Variants in WARS2 observed in about 807,000 individuals in gnomAD.
The protein encoded by WARS2 is tryptophanyl tRNA synthetase 2, mitochondrial, also known as tryptophan--tRNA ligase, mitochondrial.
WARS2 carries 28 observed loss-of-function variants against 36.5 expected under a neutral mutation model. That is an observed-to-expected ratio of 0.77 (90% confidence interval 0.57 to 1.05). WARS2 has a LOEUF of 1.05. Ranked by LOEUF, WARS2 falls within the 50% of genes least tolerant of loss-of-function variation. The probability of loss-of-function intolerance (pLI) is 0.00; values close to 1 mark genes in which losing one functional copy is unlikely to be tolerated. For missense variants in WARS2, 435 were observed against 456.8 expected (o/e 0.95, Z 0.44); for synonymous variants, 174 against 178.4 (o/e 0.98, Z 0.20).
chr1:119,053,399 A>G (rs1279501878), intron 2 of WARS2, among the ~76,000 whole-genome samples: 1 of 152,218 alleles, frequency 6.6e-6, no homozygotes, highest in Admixed American at 6.5e-5. Context: ...CTTACAATAA[A>G]TAAAAATGAA....
At chr1:119,099,443 A>C (rs936495970) in intron 1 of WARS2, among the ~76,000 whole-genome samples, 4 of 152,236 alleles carry the variant, frequency 2.6e-5, no homozygotes, top group Non-Finnish European at 4.4e-5. Flanking sequence ...AATATTTTGA[A>C]ATCTAGTTCC....
intron 1 of WARS2, among the ~76,000 whole-genome samples, chr1:119,114,519 A>C (rs1013704858): frequency 3.3e-5 from 5 of 152,184 alleles, no homozygotes; most frequent in African/African-American, 1.2e-4. Flanking sequence ...AGAATATAAT[A>C]ACTTTGGACC....
intron 2 of WARS2, among the ~76,000 whole-genome samples, chr1:119,068,544 A>G (rs1651050736): frequency 1.3e-5 from 2 of 152,058 alleles, no homozygotes; most frequent in Non-Finnish European, 2.9e-5. Context: ...GACCCTCGTA[A>G]CACAATATCT....
At chr1:119,118,029 C>T (rs1405556813) in intron 1 of WARS2, among the ~76,000 whole-genome samples, 1 of 152,124 alleles carries the variant, frequency 6.6e-6, no homozygotes, top group Non-Finnish European at 1.5e-5. Flanking sequence ...GGTTCTATAA[C>T]ACCCACAAAA....
At chr1:119,093,957 G>A (rs1033225755) in intron 1 of WARS2, among the ~76,000 whole-genome samples, 1 of 152,174 alleles carries the variant, frequency 6.6e-6, no homozygotes, top group African/African-American at 2.4e-5. Context: ...TATTCTGCAC[G>A]GGTTGTGGTG....
At chr1:119,077,068 G>A (rs1218000490) in intron 1 of WARS2, among the ~76,000 whole-genome samples, 1 of 144,618 alleles carries the variant, frequency 6.9e-6, no homozygotes, top group African/African-American at 2.6e-5. Context: ...AACCTGGGAG[G>A]TGGAGGCTGC....
intron 1 of WARS2, among the ~76,000 whole-genome samples, chr1:119,080,586 C>A (rs138475130): frequency 1.2e-4 from 18 of 152,258 alleles, no homozygotes; most frequent in African/African-American, 4.1e-4. Flanking sequence ...TAAATGGGAA[C>A]TGGATACCTG....
chr1:119,046,613 C>A (rs1050967059), intron 2 of WARS2, among the ~76,000 whole-genome samples: 1 of 151,794 alleles, frequency 6.6e-6, no homozygotes, highest in Non-Finnish European at 1.5e-5. Context: ...ACCCCAGCGT[C>A]CCAAAGTGCT....
At chr1:119,129,712 C>T (rs1655951395) in intron 1 of WARS2, among the ~76,000 whole-genome samples, 1 of 139,936 alleles carries the variant, frequency 7.1e-6, no homozygotes, top group Non-Finnish European at 1.5e-5. Context: ...GATACTCTAT[C>T]TCAAAAAATA....
At position 119,048,516 on chromosome 1, in the gene WARS2, T is replaced by C. The variant is rs1040997643; in HGVS notation, c.349-2854A>G. 3.3e-5 allele frequency among the ~76,000 whole-genome samples: 5 copies of C among 152,194 alleles called. No individual in the cohort carries two copies. The East Asian group carries it at 9.6e-4, about 29-fold the overall frequency. On this transcript the variant is annotated intron_variant, in intron 2 of 5. Transcript: ENST00000235521. ...AATACAGAGTGATCCCGTACGCCCT[T>C]AACCCAGTTTCCCTCAATGGCAACA...
At chr1:119,126,607 C>T (rs924402502) in intron 1 of WARS2, 2 of 681,064 alleles carry the variant, frequency 2.9e-6, no homozygotes, top group Admixed American at 1.8e-5. Context: ...GTCTTGTCCC[C>T]AGTGGCTTTT....
At chr1:119,127,258 CT>C in intron 1 of WARS2, 2 of 757,486 alleles carry the variant, frequency 2.6e-6, no homozygotes, top group Non-Finnish European at 4.6e-6. Context: ...TTTTTGCCGC[CT>C]TTCATAAGGC....
chr1:119,138,071 GGTT>G (rs1656638485), intron 1 of WARS2, among the ~76,000 whole-genome samples: 1 of 151,970 alleles, frequency 6.6e-6, no homozygotes, highest in Non-Finnish European at 1.5e-5. Flanking sequence ...GCTATTTCTT[GGTT>G]TTTGATGGAA....
At chr1:119,105,632 C>T (rs1228203132) in intron 1 of WARS2, among the ~76,000 whole-genome samples, 2 of 152,132 alleles carry the variant, frequency 1.3e-5, no homozygotes, top group African/African-American at 4.8e-5. Flanking sequence ...GGCATTAGGC[C>T]GGGCATAATT....
In WARS2 at chr1:119,133,665, C is replaced by G. The variant is rs587645972; in HGVS notation, c.90+6890G>C. ...AATGAATGTTTGCTATTATCACCAC[C>G]ACCTCCATTATCATCATGTTTAGTA... On this transcript the variant is annotated intron_variant, in intron 1 of 5. Coordinates refer to ENST00000235521, the MANE Select transcript of WARS2 (RefSeq NM_015836.4). Among the ~76,000 whole-genome samples, 3 of 152,262 alleles carry G rather than the reference C, an allele frequency of 2.0e-5. No homozygotes were observed. In the East Asian group the frequency reaches 5.8e-4, roughly 29 times the overall value.
rs749876118 is a variant in WARS2, at chr1:119,055,694, AAAAG to A, written c.349-10036_349-10033del. On this transcript the variant is annotated intron_variant, in intron 2 of 5. Coordinates refer to ENST00000235521, the MANE Select transcript of WARS2 (RefSeq NM_015836.4). ...CAGAGAAGAAAGGCAAGAAAGAAAG[AAAAG>A]AAAGAAAGAAGAGAGAGAGAAGGAG... Among the ~76,000 whole-genome samples the A allele has an allele frequency of 1.4e-4, 21 of 149,330 alleles. No homozygotes were observed. In the South Asian group the frequency reaches 3.1e-3, roughly 22 times the overall value.
chr1:119,047,107 C>T (rs1648919828), intron 2 of WARS2, among the ~76,000 whole-genome samples: 1 of 152,222 alleles, frequency 6.6e-6, no homozygotes, highest in African/African-American at 2.4e-5. Context: ...CATTGACACA[C>T]TGTCCATGCA....
Position 119,062,829 on chromosome 1 carries a change from C to T in WARS2, c.348+13521G>A, listed in dbSNP as rs965456191. 4.4e-5 allele frequency: 7 copies of T among 157,552 alleles called. No individual in the cohort carries two copies. The East Asian group carries it at 5.5e-4, about 12-fold the overall frequency. 9.8% of individuals were successfully genotyped at this position (157,552 alleles called of 1,614,324 possible). ...TCCCCAGCCATGCGGAACTGTAAGT[C>T]CAATTAAACCTCTTTTCTTCCCAGT... is the stretch of plus-strand genomic sequence containing the variant. On this transcript the variant is annotated intron_variant, in intron 2 of 5. Transcript: ENST00000235521.
At chr1:119,134,330 A>AAC (rs1553183032) in intron 1 of WARS2, among the ~76,000 whole-genome samples, 3 of 150,978 alleles carry the variant, frequency 2.0e-5, no homozygotes, top group Admixed American at 6.6e-5. Flanking sequence ...AAAAAAAAAA[A>AAC]AAAAAAAAAA....
Sources: allele counts gnomAD v4.1 joint callset (sites outside exome capture counted in the v4.1 genomes callset), GRCh38; gene constraint gnomAD v4.1.1; transcripts MANE v1.5; gene names NCBI Gene and HGNC (gene_info 2026-07-23, HGNC 2026-07-21).